The following NMT2 variants were observed in gnomAD, a reference collection of about 807,000 sequenced individuals.
NMT2 encodes the protein glycylpeptide N-tetradecanoyltransferase 2.
A neutral mutation model predicts 65.4 loss-of-function variants in NMT2; 35 were observed. The observed-to-expected ratio is 0.54, with a 90% CI of 0.41 to 0.71. The LOEUF is 0.71. Among genes scored for constraint, NMT2 ranks in the 30% least tolerant of loss-of-function variants. The probability of loss-of-function intolerance (pLI) is 0.00; values close to 1 mark genes in which losing one functional copy is unlikely to be tolerated. For missense variants in NMT2, 489 were observed against 611.3 expected (o/e 0.80, Z 2.11); for synonymous variants, 226 against 231.8 (o/e 0.98, Z 0.23).
intron 8 of NMT2, among the ~76,000 whole-genome samples, chr10:15,127,564 A>AT (rs1368888255): frequency 8.9e-5 from 8 of 90,390 alleles, no homozygotes; most frequent in African/African-American, 7.8e-4. Context: ...AAAAAAAAAA[A>AT]AAAAAATAAA....
chr10:15,158,521 G>A (rs1402824223), intron 1 of NMT2, among the ~76,000 whole-genome samples: 1 of 152,116 alleles, frequency 6.6e-6, no homozygotes, highest in African/African-American at 2.4e-5. Context: ...TTGTCAATGG[G>A]AATTAAGAGC....
At chr10:15,143,459 T>G (rs1303481764) in intron 1 of NMT2, among the ~76,000 whole-genome samples, 1 of 152,226 alleles carries the variant, frequency 6.6e-6, no homozygotes, top group Non-Finnish European at 1.5e-5. Flanking sequence ...TCCAAGAAGC[T>G]TGGTTACAGA....
chr10:15,127,546 C>CAAAAAAAA (rs1239422956), intron 8 of NMT2, among the ~76,000 whole-genome samples: 219 of 51,016 alleles, frequency 4.3e-3, no homozygotes, highest in Non-Finnish European at 6.7e-3. Context: ...GACTCCGTCT[C>CAAAAAAAA]AAAAAAAAAA....
intron 3 of NMT2, 99 bp from the exon 4 acceptor site, chr10:15,133,462 A>G (rs1846359908): frequency 1.1e-6 from 1 of 896,496 alleles, no homozygotes; most frequent in South Asian, 1.4e-5. Context: ...CATAAGCAAA[A>G]TCTGACTTAG....
chr10:15,138,954 G>A (rs1846621971), intron 2 of NMT2, among the ~76,000 whole-genome samples: 1 of 152,178 alleles, frequency 6.6e-6, no homozygotes. Flanking sequence ...TGCCAAAGGA[G>A]ATTAACGTTT....
intron 7 of NMT2, among the ~76,000 whole-genome samples, chr10:15,129,730 G>A (rs980443786): frequency 7.2e-5 from 11 of 152,072 alleles, no homozygotes; most frequent in African/African-American, 2.7e-4. Flanking sequence ...CCAACATGGT[G>A]AAACCCTGTC....
At chr10:15,111,180 G>A (rs1845500104) in intron 10 of NMT2, among the ~76,000 whole-genome samples, 2 of 152,116 alleles carry the variant, frequency 1.3e-5, no homozygotes, top group Admixed American at 1.3e-4. Flanking sequence ...TACCTTGGCT[G>A]AAGCTATTGC....
At chr10:15,128,179 C>G (rs569928111) in intron 8 of NMT2, among the ~76,000 whole-genome samples, 171 bp downstream of exon 8, 6 of 152,202 alleles carry the variant, frequency 3.9e-5, no homozygotes, top group Non-Finnish European at 8.8e-5. Context: ...TTGGCATTTC[C>G]AAACAAACTC....
rs763349726 is a variant in NMT2, at chr10:15,168,616, G to A, written c.-4C>T. The A allele has an allele frequency of 1.6e-5, 25 of 1,574,214 alleles. No homozygotes were observed. Among genetic ancestry groups the A allele is most frequent in the Non-Finnish European group, 2.1e-5 (25 of 1,166,848 alleles). ...CAGACTCGCTGTCCTCCGCCATCGC[G>A]GCGGCGCTGGCTGGGGAGGCGGTGC... On this transcript the variant is annotated 5_prime_UTR_variant, in exon 1 of 12. Coordinates refer to ENST00000378165, the MANE Select transcript of NMT2 (RefSeq NM_004808.3).
chr10:15,127,552 A>T (rs1414550816), intron 8 of NMT2, among the ~76,000 whole-genome samples: 1 of 93,546 alleles, frequency 1.1e-5, no homozygotes, highest in Non-Finnish European at 1.8e-5. Context: ...GTCTCAAAAA[A>T]AAAAAAAAAA....
At position 15,154,265 on chromosome 10, in the gene NMT2, C is replaced by T. The variant is rs143069267; in HGVS notation, c.111-12708G>A. Among the ~76,000 whole-genome samples, 26 of 152,298 alleles carry T rather than the reference C, an allele frequency of 1.7e-4. 1 individual carries two copies. The highest frequency in any genetic ancestry group is 3.4e-3 in the Middle Eastern group (1 of 294). On this transcript the variant is annotated intron_variant, in intron 1 of 11. Transcript: ENST00000378165. ...CAAACTGTCACTGTGGAAGAAGGGG[C>T]CCACTGGCAGCCTTGGCCATGAGGG...
At chr10:15,167,959 C>G (rs542608565) in intron 1 of NMT2, among the ~76,000 whole-genome samples, 159 of 152,300 alleles carry the variant, frequency 1.0e-3, no homozygotes, top group African/African-American at 3.7e-3. Context: ...CAGAACTTTG[C>G]GCAGTTCGCC....
Position 15,112,805 on chromosome 10 carries a change from C to A in NMT2, c.1329G>T (p.Leu443=). The A allele has an allele frequency of 6.2e-7, 1 of 1,610,922 alleles. No homozygotes were observed. Among genetic ancestry groups the A allele is most frequent in the Non-Finnish European group, 8.5e-7 (1 of 1,178,760 alleles). ...LLDLMSDALI[L]AKSKGFDVFN... ...GGAAGGAGTGGCTTACCGATTTAGCCAGGATGAGCGCGTCGCTCATGAGGT... is the reference window on the plus strand; with the variant it reads ...GGAAGGAGTGGCTTACCGATTTAGCAAGGATGAGCGCGTCGCTCATGAGGT... Residue 443 remains leucine (L), a synonymous_variant, in exon 10 of 12, where the codon CTG becomes CTT. Transcript: ENST00000378165.
chr10:15,164,137 C>T (rs554265311), intron 1 of NMT2, among the ~76,000 whole-genome samples: 3 of 141,282 alleles, frequency 2.1e-5, no homozygotes, highest in African/African-American at 5.4e-5. Flanking sequence ...GAGCCGAGAT[C>T]GCGCCACTGC....
intron 8 of NMT2, among the ~76,000 whole-genome samples, chr10:15,122,038 G>T (rs1845945643): frequency 6.6e-6 from 1 of 152,208 alleles, no homozygotes; most frequent in Non-Finnish European, 1.5e-5. Context: ...CTAAATGCTA[G>T]TGGGAAGACC....
chr10:15,126,428 T>TAA (rs542212016), intron 8 of NMT2, among the ~76,000 whole-genome samples: 42 of 130,550 alleles, frequency 3.2e-4, no homozygotes, highest in Admixed American at 6.3e-4. Flanking sequence ...GCCTCCATCT[T>TAA]AAAAAAAAAA....
chr10:15,154,185 G>A (rs915436393), intron 1 of NMT2, among the ~76,000 whole-genome samples: 8 of 152,126 alleles, frequency 5.3e-5, no homozygotes, highest in Non-Finnish European at 8.8e-5. Context: ...CCTACCACTG[G>A]TACACATATC....
At chr10:15,118,564 C>A (rs1277839488) in intron 9 of NMT2, among the ~76,000 whole-genome samples, 1 of 149,244 alleles carries the variant, frequency 6.7e-6, no homozygotes, top group African/African-American at 2.5e-5. Context: ...AAAAACCTTT[C>A]ATAAATCAGT....
At chr10:15,132,416 T>C (rs527556800) in intron 6 of NMT2, among the ~76,000 whole-genome samples, 1 of 152,072 alleles carries the variant, frequency 6.6e-6, no homozygotes, top group South Asian at 2.1e-4. Flanking sequence ...TTGCATTCAG[T>C]CATTTTTATT....
Sources: gnomAD v4.1 joint callset for allele counts (sites outside exome capture counted in the v4.1 genomes callset) on GRCh38, gnomAD v4.1.1 for gene constraint, MANE v1.5 for transcripts, NCBI Gene and HGNC (gene_info 2026-07-23, HGNC 2026-07-21) for gene names.